The following ARID3A variants were observed in gnomAD, a reference collection of about 807,000 sequenced individuals.
The protein encoded by ARID3A is AT-rich interactive domain-containing protein 3A.
Under a neutral mutation model 52.7 loss-of-function variants are expected in ARID3A, and 11 were observed. The ratio of observed to expected loss-of-function variants is 0.21; its 90% CI spans 0.13 to 0.35. The LOEUF is 0.35. Among genes scored for constraint, ARID3A ranks in the 10% least tolerant of loss-of-function variants. The pLI is 1.00. For synonymous variants in ARID3A, 404 were observed against 359.4 expected (o/e 1.12, Z -1.40); for missense variants, 721 against 838.5 (o/e 0.86, Z 1.73).
At chr19:936,871 C>T (rs1171964761) in intron 3 of ARID3A, among the ~76,000 whole-genome samples, 1 of 151,410 alleles carries the variant, frequency 6.6e-6, no homozygotes, top group East Asian at 2.0e-4. Flanking sequence ...AACCCTGACC[C>T]TTTAACTATT....
intron 2 of ARID3A, among the ~76,000 whole-genome samples, chr19:930,915 G>A (rs528918321): frequency 6.6e-6 from 1 of 152,328 alleles, no homozygotes; most frequent in South Asian, 2.1e-4. Context: ...CCTGCATAGC[G>A]TGTGGGTCCC....
Position 929,461 on chromosome 19 carries a change from C to T in ARID3A, c.-68C>T, listed in dbSNP as rs1037664977. On this transcript the variant is annotated 5_prime_UTR_variant, in exon 2 of 9. Coordinates refer to ENST00000263620, the MANE Select transcript of ARID3A (RefSeq NM_005224.3). The surrounding 1 kb of genome is among the most constrained non-coding windows in gnomAD (Gnocchi z 6.2). ...GCCCCCTCCCCGCAGGGGCCGCCCC[C>T]GCCGCCCACCCCTAGCGCCCGTGGT... 28 of 1,393,738 alleles carry T rather than the reference C, an allele frequency of 2.0e-5. No homozygotes were observed. The highest frequency in any genetic ancestry group is 6.2e-5 in the African/African-American group (4 of 64,736). 86.3% of individuals were successfully genotyped at this position (1,393,738 alleles called of 1,614,324 possible).
rs1166859257 is a variant in ARID3A at position 932,610 on chromosome 19, C to T, written c.561C>T (p.Gly187=). Residue 187 remains glycine, a synonymous_variant, in exon 3 of 9, where the codon GGC becomes GGT. Transcript: ENST00000263620. ...AQPPQAFRGD[G]VPRVLGGQER... ...CACCCCAGGCCTTCCGCGGCGATGGCGTTCCCAGGGTGCTGGGGGGCCAGG... is the reference window on the plus strand; with the variant it reads ...CACCCCAGGCCTTCCGCGGCGATGGTGTTCCCAGGGTGCTGGGGGGCCAGG... The T allele has an allele frequency of 8.6e-6, 13 of 1,519,514 alleles. No homozygotes were observed. Among genetic ancestry groups the T allele is most frequent in the Admixed American group, 4.6e-5 (2 of 43,538 alleles). The allele number at this position is 1,519,514 out of a possible 1,614,324, so 94.1% of individuals were successfully genotyped here.
intron 2 of ARID3A, among the ~76,000 whole-genome samples, chr19:931,838 G>A (rs1333830236): frequency 6.6e-5 from 10 of 151,046 alleles, no homozygotes; most frequent in Admixed American, 2.0e-4. Flanking sequence ...AAAAAAAAAC[G>A]GCTGCCAAGA....
At position 942,838 on chromosome 19, in the gene ARID3A, C is replaced by T. The variant is rs2037586154; in HGVS notation, c.693+10096C>T. Among the ~76,000 whole-genome samples the T allele has an allele frequency of 6.6e-6, 1 of 152,194 alleles. No individual in the cohort carries two copies. The highest frequency in any genetic ancestry group is 1.5e-5 in the Non-Finnish European group (1 of 68,044). ...GTAAGAACCCGCCTTCCGGGAGGAG[C>T]CCCGTCTGGATTGGATGGCATCGCC... is the stretch of plus-strand genomic sequence containing the variant. On this transcript the variant is annotated intron_variant, in intron 3 of 8. Coordinates refer to ENST00000263620, the MANE Select transcript of ARID3A (RefSeq NM_005224.3). The surrounding 1 kb of genome is among the most constrained non-coding windows in gnomAD (Gnocchi z 8.1).
intron 3 of ARID3A, among the ~76,000 whole-genome samples, chr19:953,444 G>A (rs988296975): frequency 1.3e-5 from 2 of 151,754 alleles, no homozygotes; most frequent in Non-Finnish European, 2.9e-5. Context: ...TCAGGTGGGG[G>A]CGGCACCTCC....
At chr19:927,242 C>T (rs2037220251) in intron 1 of ARID3A, among the ~76,000 whole-genome samples, 1 of 152,152 alleles carries the variant, frequency 6.6e-6, no homozygotes, top group Admixed American at 6.5e-5. Context: ...AACGACCACC[C>T]AGCGCCCCGT....
rs2037574109 is a variant in ARID3A, at chr19:942,339, G to A, written c.693+9597G>A. 1.3e-5 allele frequency among the ~76,000 whole-genome samples: 2 copies of A among 152,210 alleles called. No individual in the cohort carries two copies. Among genetic ancestry groups the A allele is most frequent in the African/African-American group, 2.4e-5 (1 of 41,454 alleles). On this transcript the variant is annotated intron_variant, in intron 3 of 8. Transcript: ENST00000263620. This position sits in a 1 kb window ranked among gnomAD's most constrained non-coding sequence, Gnocchi z 8.1. ...GCGACATGGCCCCCGCAGCTGCCCGGCGGTGGCACCCAGGGGCGTCACCCA... is the reference window on the plus strand; with the variant it reads ...GCGACATGGCCCCCGCAGCTGCCCGACGGTGGCACCCAGGGGCGTCACCCA...
intron 4 of ARID3A, among the ~76,000 whole-genome samples, chr19:961,295 G>A (rs1194611328): frequency 4.6e-5 from 7 of 152,154 alleles, no homozygotes; most frequent in Non-Finnish European, 8.8e-5. Context: ...CCAGCCGCCC[G>A]GAAGGGAAGG....
intron 4 of ARID3A, among the ~76,000 whole-genome samples, chr19:961,303 A>G (rs1326047817): frequency 6.6e-6 from 1 of 152,156 alleles, no homozygotes; most frequent in Non-Finnish European, 1.5e-5. Flanking sequence ...CCGGAAGGGA[A>G]GGAGGAGGAG....
intron 3 of ARID3A, among the ~76,000 whole-genome samples, chr19:955,925 C>G (rs1009850603): frequency 6.6e-6 from 1 of 152,092 alleles, no homozygotes; most frequent in East Asian, 1.9e-4. Context: ...TCGAGGCGTC[C>G]GCAGGGCTGC....
chr19:965,352 ACT>A (rs1438718850), intron 6 of ARID3A: 3 of 431,334 alleles, frequency 7.0e-6, no homozygotes, highest in Admixed American at 4.0e-5. Flanking sequence ...CTAATTGATC[ACT>A]GTTTTTCCAG....
chr19:974,350 GC>G lies in ARID3A; in HGVS notation c.*2286del, dbSNP rs944166697. 5.7e-5 allele frequency: 13 copies of G among 228,546 alleles called. 1 individual carries two copies. Among genetic ancestry groups the G allele is most frequent in the Non-Finnish European group, 1.1e-4 (13 of 115,164 alleles). The allele number at this position is 228,546 out of a possible 1,614,324, so 14.2% of individuals were successfully genotyped here. On this transcript the variant is annotated 3_prime_UTR_variant, in exon 9 of 9. Transcript: ENST00000263620. The stretch of plus-strand genomic sequence containing the variant: ...CCTTCCTGGGGCCAGCACCGTAGCA[GC>G]ACAATCACCCCGGGAAGGGGGTGTC...
chr19:937,224 A>G (rs1245590050), intron 3 of ARID3A, among the ~76,000 whole-genome samples: 1 of 152,224 alleles, frequency 6.6e-6, no homozygotes, highest in African/African-American at 2.4e-5. Context: ...AGATCGCGCC[A>G]CTGCACTCCA....
intron 3 of ARID3A, among the ~76,000 whole-genome samples, chr19:940,839 C>T (rs1162993540): frequency 6.6e-6 from 1 of 152,098 alleles, no homozygotes; most frequent in Non-Finnish European, 1.5e-5. Flanking sequence ...GCACCTGGTC[C>T]TCCCCACCGG....
In ARID3A at chr19:972,940, G is replaced by A. The variant is rs967025657; in HGVS notation, c.*875G>A. 2.5e-5 allele frequency: 5 copies of A among 199,070 alleles called. No individual in the cohort carries two copies. The highest frequency in any genetic ancestry group is 1.5e-4 in the East Asian group (2 of 13,348). The allele number at this position is 199,070 out of a possible 1,614,324, so 12.3% of individuals were successfully genotyped here. On this transcript the variant is annotated 3_prime_UTR_variant, in exon 9 of 9. Transcript: ENST00000263620. ...ATCGGATCCCTGGGGCTAGAGCCGC[G>A]GAGCCAATGAACTCAGGTGCTATGG... is the stretch of plus-strand genomic sequence containing the variant.
At chr19:934,610 G>A (rs1195599988) in intron 3 of ARID3A, among the ~76,000 whole-genome samples, 7 of 152,132 alleles carry the variant, frequency 4.6e-5, no homozygotes, top group Admixed American at 2.0e-4. Context: ...TGGGTGTACC[G>A]GGCAGTGCAG....
rs891731990 is a variant in ARID3A, at chr19:938,693, G to A, written c.693+5951G>A. ...GGGCCTGACAGCTGGGCGTGTGTGGGCACTGGGGCAGGGACGGCCACCAGC... is the reference window on the plus strand; with the variant it reads ...GGGCCTGACAGCTGGGCGTGTGTGGACACTGGGGCAGGGACGGCCACCAGC... On this transcript the variant is annotated intron_variant, in intron 3 of 8. Coordinates refer to ENST00000263620, the MANE Select transcript of ARID3A (RefSeq NM_005224.3). The surrounding 1 kb of genome is among the most constrained non-coding windows in gnomAD (Gnocchi z 4.0). 6.6e-6 allele frequency among the ~76,000 whole-genome samples: 1 copy of A among 152,170 alleles called. No homozygotes were observed. Among genetic ancestry groups the A allele is most frequent in the Non-Finnish European group, 1.5e-5 (1 of 68,042 alleles).
intron 2 of ARID3A, among the ~76,000 whole-genome samples, 168 bp from the exon 3 acceptor site, chr19:932,250 G>A (rs932053743): frequency 5.9e-5 from 9 of 152,210 alleles, no homozygotes; most frequent in Non-Finnish European, 1.0e-4. Context: ...TGGGCGTCAC[G>A]GGTGCCCCAC....
Sources: gnomAD v4.1 joint callset for allele counts (sites outside exome capture counted in the v4.1 genomes callset) on GRCh38, gnomAD v4.1.1 for gene constraint, Gnocchi (gnomAD v3.1) non-coding constraint, MANE v1.5 for transcripts, NCBI Gene and HGNC (gene_info 2026-07-23, HGNC 2026-07-21) for gene names.